PRR16: variants seen among roughly 807,000 people sequenced by gnomAD.
PRR16 encodes proline rich 16, also known as protein Largen.
A neutral mutation model predicts 18.2 loss-of-function variants in PRR16; 6 were observed. That is an observed-to-expected ratio of 0.33 (90% CI 0.18 to 0.65). The LOEUF (loss-of-function observed/expected upper bound fraction) is 0.65, where lower values mean the gene tolerates loss of function less well. Ranked by LOEUF, PRR16 falls within the 30% of genes least tolerant of loss-of-function variation. The probability of loss-of-function intolerance (pLI) is 0.74; values close to 1 mark genes in which losing one functional copy is unlikely to be tolerated. For missense variants in PRR16, 412 were observed against 376.6 expected (o/e 1.09, Z -0.78); for synonymous variants, 151 against 147.8 (o/e 1.02, Z -0.16).
At chr5:120,715,116 AAGTC>A in the PRR16 span, among the ~76,000 whole-genome samples, 4 of 152,186 alleles carry the variant, frequency 2.6e-5, no homozygotes, top group East Asian at 7.7e-4. Flanking sequence ...AAAAAAAAAA[AAGTC>A]GTAGCCATAG....
rs1014624978 is a variant in PRR16, at chr5:120,686,773, G to A, written c.*64G>A. 50 of 1,262,038 alleles carry A rather than the reference G, an allele frequency of 4.0e-5. No homozygotes were observed. The highest frequency in any genetic ancestry group is 9.7e-5 in the Admixed American group (3 of 30,908). 78.2% of individuals were successfully genotyped at this position (1,262,038 alleles called of 1,614,324 possible). A position where few individuals can be genotyped will look rare whatever the true frequency, so the allele number is the denominator to read the frequency against. On this transcript the variant is annotated 3_prime_UTR_variant, in exon 2 of 2. Transcript: ENST00000407149. The stretch of plus-strand genomic sequence containing the variant: ...ATTATAAACATAAAATAAGTAATGA[G>A]CACTTTCTACTCAAGCAATAAAAAG...
At chr5:120,637,334 A>C (rs1024720980) in intron 1 of PRR16, among the ~76,000 whole-genome samples, 1 of 150,484 alleles carries the variant, frequency 6.6e-6, no homozygotes, top group Non-Finnish European at 1.5e-5. Context: ...AAAAAAAAAA[A>C]AAAAAAAAAC....
At chr5:120,784,470 T>C in the PRR16 span, among the ~76,000 whole-genome samples, 7 of 152,216 alleles carry the variant, frequency 4.6e-5, no homozygotes, top group Admixed American at 1.3e-4. Context: ...ATGTTGAGCA[T>C]ATTTTGTATA....
chr5:120,792,085 A>G, the PRR16 span, among the ~76,000 whole-genome samples: 1 of 152,208 alleles, frequency 6.6e-6, no homozygotes, highest in Non-Finnish European at 1.5e-5. Flanking sequence ...ATTTGAACTT[A>G]TAAATAGGAA....
intron 1 of PRR16, among the ~76,000 whole-genome samples, chr5:120,589,820 G>A (rs112705434): frequency 6.6e-6 from 1 of 152,064 alleles, no homozygotes. Flanking sequence ...AATTCAAGAT[G>A]AGATTTGGGT....
the PRR16 span, among the ~76,000 whole-genome samples, chr5:120,696,353 G>T: frequency 6.6e-6 from 1 of 152,138 alleles, no homozygotes; most frequent in African/African-American, 2.4e-5. Context: ...TGCTTTTGTA[G>T]TGTGCATCTT....
intron 1 of PRR16, among the ~76,000 whole-genome samples, chr5:120,522,541 TTGTTAAAGTTC>T (rs1401887920): frequency 2.6e-5 from 4 of 152,236 alleles, no homozygotes; most frequent in Non-Finnish European, 5.9e-5. Context: ...TCTTGTAAAT[TTGTTAAAGTTC>T]TTTGTAGATT....
intron 1 of PRR16, among the ~76,000 whole-genome samples, chr5:120,489,697 G>A (rs1355541412): frequency 6.6e-6 from 1 of 152,130 alleles, no homozygotes; most frequent in Non-Finnish European, 1.5e-5. Context: ...CTGTCATTAT[G>A]ATGTTAGCTG....
At chr5:120,572,602 G>A (rs1329423185) in intron 1 of PRR16, among the ~76,000 whole-genome samples, 1 of 152,092 alleles carries the variant, frequency 6.6e-6, no homozygotes, top group African/African-American at 2.4e-5. Flanking sequence ...AGAGATATTT[G>A]TGTATAGATT....
intron 1 of PRR16, among the ~76,000 whole-genome samples, chr5:120,537,135 C>T (rs1341342839): frequency 2.0e-5 from 3 of 152,050 alleles, no homozygotes; most frequent in Admixed American, 2.0e-4. Flanking sequence ...TACAACAAAC[C>T]CTCAAGACAT....
At chr5:120,502,107 T>G (rs1750480578) in intron 1 of PRR16, among the ~76,000 whole-genome samples, 1 of 151,430 alleles carries the variant, frequency 6.6e-6, no homozygotes, top group Non-Finnish European at 1.5e-5. Flanking sequence ...TTGCCAAAAT[T>G]TATTGGAAGC....
chr5:120,701,310 T>G, the PRR16 span, among the ~76,000 whole-genome samples: 1 of 152,168 alleles, frequency 6.6e-6, no homozygotes. Context: ...ATTTTGAGAA[T>G]AAGATGGCCT....
At chr5:120,472,267 AG>A (rs1468582414) in intron 1 of PRR16, among the ~76,000 whole-genome samples, 1 of 152,174 alleles carries the variant, frequency 6.6e-6, no homozygotes, top group Non-Finnish European at 1.5e-5. Context: ...TTCTTTTTGT[AG>A]TACCACACAA....
At chr5:120,546,073 TTTTATCAC>T (rs373298141) in intron 1 of PRR16, among the ~76,000 whole-genome samples, 37 of 152,176 alleles carry the variant, frequency 2.4e-4, no homozygotes, top group Non-Finnish European at 4.7e-4. Context: ...ATAAGGGTAT[TTTTATCAC>T]TTTCATTTTA....
At chr5:120,631,834 T>C (rs1755064120) in intron 1 of PRR16, among the ~76,000 whole-genome samples, 1 of 152,084 alleles carries the variant, frequency 6.6e-6, no homozygotes, top group Non-Finnish European at 1.5e-5. Context: ...CCTGAATACT[T>C]AACCAGTTGT....
chr5:120,753,959 TATA>T, the PRR16 span, among the ~76,000 whole-genome samples: 1 of 121,744 alleles, frequency 8.2e-6, no homozygotes, highest in Non-Finnish European at 1.6e-5. Flanking sequence ...ATATATTATA[TATA>T]ATATATGTTA....
intron 1 of PRR16, among the ~76,000 whole-genome samples, chr5:120,637,274 C>T (rs1381874391): frequency 1.5e-5 from 2 of 132,320 alleles, no homozygotes; most frequent in Admixed American, 8.9e-5. Context: ...TTCAGCAATC[C>T]TGCTACTAGG....
the PRR16 span, chr5:120,781,393 G>A: frequency 6.6e-6 from 1 of 152,156 alleles, no homozygotes; most frequent in South Asian, 2.1e-4. Context: ...ATGAAAATGG[G>A]AATGCTTTTG....
In PRR16 at chr5:120,537,845, C is replaced by G. The variant is rs1246567066; in HGVS notation, c.159+73200C>G. 2.1e-4 allele frequency among the ~76,000 whole-genome samples: 30 copies of G among 140,344 alleles called. 1 individual carries two copies. Among genetic ancestry groups the G allele is most frequent in the Admixed American group, 1.8e-3 (24 of 13,250 alleles). The allele number at this position is 140,344 out of a possible 152,430, so 92.1% of individuals were successfully genotyped here. A position where few individuals can be genotyped will look rare whatever the true frequency, so the allele number is the denominator to read the frequency against. ...AGGCTGGAGTGCAGTGGCGGGATCT[C>G]GGCTCAATGCAAGCTCCGCCTCCCG... On this transcript the variant is annotated intron_variant, in intron 1 of 1. Transcript: ENST00000407149.
Sources: gnomAD v4.1 joint callset for allele counts (sites outside exome capture counted in the v4.1 genomes callset) on GRCh38, gnomAD v4.1.1 for gene constraint, MANE v1.5 for transcripts, NCBI Gene and HGNC (gene_info 2026-07-23, HGNC 2026-07-21) for gene names.